Variants in HDAC9 observed in about 807,000 individuals in gnomAD.
The protein encoded by HDAC9 is MEF-2 interacting transcription repressor (MITR) protein.
In HDAC9, 41 loss-of-function variants were observed where a neutral mutation model predicts 139.4. That is an observed-to-expected ratio of 0.29 (90% CI 0.23 to 0.38). The LOEUF is 0.38. Among genes scored for constraint, HDAC9 ranks in the 10% least tolerant of loss-of-function variants. The pLI is 1.00. For missense variants in HDAC9, 1,147 were observed against 1,297.0 expected (o/e 0.88, Z 1.78); for synonymous variants, 517 against 476.2 (o/e 1.09, Z -1.12).
intron 24 of HDAC9, among the ~76,000 whole-genome samples, chr7:18,958,577 T>A (rs1401372917): frequency 6.6e-6 from 1 of 152,166 alleles, no homozygotes; most frequent in Admixed American, 6.5e-5. Flanking sequence ...TAGCACAATC[T>A]TTTGATGGCA....
At chr7:18,404,057 G>C (rs975150597) in intron 1 of HDAC9, among the ~76,000 whole-genome samples, 2 of 152,128 alleles carry the variant, frequency 1.3e-5, no homozygotes, top group African/African-American at 4.8e-5. Context: ...AAACTGACAG[G>C]CCAATGCAGA....
At chr7:18,605,864 TAG>T (rs1168926774) in intron 6 of HDAC9, among the ~76,000 whole-genome samples, 3 of 152,020 alleles carry the variant, frequency 2.0e-5, no homozygotes, top group Admixed American at 6.6e-5. Flanking sequence ...GTATTTTCAG[TAG>T]AGATGGGATT....
intron 12 of HDAC9, among the ~76,000 whole-genome samples, chr7:18,678,473 C>G (rs2129088371): frequency 6.6e-6 from 1 of 151,902 alleles, no homozygotes; most frequent in African/African-American, 2.4e-5. Context: ...GAGTAGACTG[C>G]TTGATACTGT....
chr7:18,535,029 G>T (rs1272014389), intron 2 of HDAC9, among the ~76,000 whole-genome samples: 1 of 152,092 alleles, frequency 6.6e-6, no homozygotes, highest in East Asian at 1.9e-4. Context: ...GGGATTCTCT[G>T]GCATGAGGCT....
At chr7:18,360,570 T>A (rs955863554) in intron 1 of HDAC9, among the ~76,000 whole-genome samples, 4 of 152,192 alleles carry the variant, frequency 2.6e-5, no homozygotes, top group Non-Finnish European at 2.9e-5. Flanking sequence ...CTCTCACTGT[T>A]ACTTTAATAA....
chr7:18,982,381 T>C (rs890086053), intron 25 of HDAC9, among the ~76,000 whole-genome samples: 2 of 152,154 alleles, frequency 1.3e-5, no homozygotes, highest in Non-Finnish European at 2.9e-5. Flanking sequence ...TCATCTTCAA[T>C]AGGCTCCATA....
intron 25 of HDAC9, among the ~76,000 whole-genome samples, chr7:18,976,288 A>C (rs1415503766): frequency 6.6e-6 from 1 of 152,226 alleles, no homozygotes; most frequent in Non-Finnish European, 1.5e-5. Context: ...TTTCCTAGTT[A>C]TCTCTGTTTT....
At chr7:18,234,266 GT>G (rs1793668749) in intron 2 of HDAC9, among the ~76,000 whole-genome samples, 1 of 152,192 alleles carries the variant, frequency 6.6e-6, no homozygotes, top group African/African-American at 2.4e-5. Flanking sequence ...CTTAGGTGTA[GT>G]TGGGGAACAT....
upstream of HDAC9, among the ~76,000 whole-genome samples, chr7:18,285,692 T>A (rs1382224071): frequency 6.6e-6 from 1 of 152,082 alleles, no homozygotes; most frequent in African/African-American, 2.4e-5. Flanking sequence ...ACCAGTGAAG[T>A]TGAGTGTTAT....
intron 22 of HDAC9, among the ~76,000 whole-genome samples, chr7:18,925,297 G>A (rs1415646428): frequency 6.6e-6 from 1 of 152,146 alleles, no homozygotes; most frequent in African/African-American, 2.4e-5. Flanking sequence ...ATTGACCTTT[G>A]TTGCTTGGGC....
At chr7:18,642,569 A>G (rs1413775454) in intron 8 of HDAC9, among the ~76,000 whole-genome samples, 3 of 152,064 alleles carry the variant, frequency 2.0e-5, no homozygotes, top group Non-Finnish European at 2.9e-5. Context: ...AGAATAGGTT[A>G]GCCTCCAAAA....
chr7:18,724,569 ACAT>A (rs1270151880), intron 12 of HDAC9, among the ~76,000 whole-genome samples: 2 of 152,188 alleles, frequency 1.3e-5, no homozygotes, highest in South Asian at 2.1e-4. Context: ...GGTACTGTAG[ACAT>A]CATAAACACT....
chr7:18,678,176 C>T (rs1781650523), intron 12 of HDAC9, among the ~76,000 whole-genome samples: 1 of 151,752 alleles, frequency 6.6e-6, no homozygotes, highest in Non-Finnish European at 1.5e-5. Flanking sequence ...ACACCAATAC[C>T]ACAGAATCTT....
chr7:18,240,036 CG>C lies in HDAC9; in HGVS notation c.25+77689del, dbSNP rs1020390833. On this transcript the variant is annotated intron_variant, in intron 2 of 12. Coordinates refer to the HDAC9 transcript ENST00000417496. ...TCGGTGTTTCTAAAGTTTATTTAGT[CG>C]GTCTCATCTCCTTAACAATGTCAGA... Among the ~76,000 whole-genome samples the C allele has an allele frequency of 1.7e-3, 248 of 146,456 alleles. 3 individuals carry two copies. Among genetic ancestry groups the C allele is most frequent in the African/African-American group, 6.1e-3 (241 of 39,516 alleles).
intron 2 of HDAC9, among the ~76,000 whole-genome samples, chr7:18,536,818 A>G (rs1227691276): frequency 6.6e-6 from 1 of 152,222 alleles, no homozygotes; most frequent in African/African-American, 2.4e-5. Context: ...TCAAGAGAAT[A>G]TACTAGGGAG....
In HDAC9 at chr7:18,955,266, A is replaced by G. The variant is rs113703169; in HGVS notation, c.3022+1036A>G. On this transcript the variant is annotated intron_variant, in intron 24 of 25. Transcript: ENST00000686413. The stretch of plus-strand genomic sequence containing the variant: ...AGGCTGGAGGTGATTTCATAAGCTT[A>G]AGAAGAAAATCCTGTCATTGTCCTG... 7.0e-3 allele frequency among the ~76,000 whole-genome samples: 1,073 copies of G among 152,224 alleles called. 18 individuals carry two copies. The highest frequency in any genetic ancestry group is 0.025 in the African/African-American group (1,037 of 41,558).
intron 2 of HDAC9, among the ~76,000 whole-genome samples, chr7:18,248,044 A>G (rs938868172): frequency 6.6e-6 from 1 of 152,200 alleles, no homozygotes; most frequent in African/African-American, 2.4e-5. Flanking sequence ...ACAGGAAATT[A>G]TATGCAAGAC....
chr7:18,315,958 A>T (rs1483674748), intron 1 of HDAC9, among the ~76,000 whole-genome samples: 3 of 152,132 alleles, frequency 2.0e-5, no homozygotes, highest in African/African-American at 7.2e-5. Flanking sequence ...ACTGAGTTTT[A>T]TTTCTTCTTC....
At chr7:18,992,692 A>G (rs62448129) in intron 25 of HDAC9, among the ~76,000 whole-genome samples, 250 of 152,302 alleles carry the variant, frequency 1.6e-3, no homozygotes, top group Middle Eastern at 3.4e-3. Flanking sequence ...TCTTGTCTCA[A>G]GTGAAATTAC....
Sources: gnomAD v4.1 joint callset for allele counts (sites outside exome capture counted in the v4.1 genomes callset) on GRCh38, gnomAD v4.1.1 for gene constraint, MANE v1.5 for transcripts, NCBI Gene and HGNC (gene_info 2026-07-23, HGNC 2026-07-21) for gene names.